SH3RF1: variants seen among roughly 807,000 people sequenced by gnomAD.
The protein encoded by SH3RF1 is SH3 domain containing ring finger 1.
SH3RF1 carries 32 observed loss-of-function variants against 74.0 expected under a neutral mutation model. That is an observed-to-expected ratio of 0.43 (90% CI 0.33 to 0.58). The LOEUF is 0.58. SH3RF1 is among the 20% of genes least tolerant of loss of function. The probability of loss-of-function intolerance (pLI) is 0.05; values close to 1 mark genes in which losing one functional copy is unlikely to be tolerated. For synonymous variants in SH3RF1, 396 were observed against 439.6 expected (o/e 0.90, Z 1.24); for missense variants, 954 against 1,130.9 (o/e 0.84, Z 2.24).
intron 2 of SH3RF1, among the ~76,000 whole-genome samples, chr4:169,248,914 A>C (rs1488252126): frequency 6.6e-6 from 1 of 152,222 alleles, no homozygotes; most frequent in Admixed American, 6.5e-5. Context: ...ATGTGATGGT[A>C]TTAAGAAGTA....
intron 2 of SH3RF1, among the ~76,000 whole-genome samples, chr4:169,263,807 C>T (rs923768844): frequency 6.6e-6 from 1 of 152,178 alleles, no homozygotes; most frequent in Admixed American, 6.5e-5. Flanking sequence ...GTAGTTTTCC[C>T]CTCTCAATAT....
intron 6 of SH3RF1, among the ~76,000 whole-genome samples, chr4:169,126,998 G>T (rs1298898251): frequency 2.0e-5 from 3 of 152,192 alleles, no homozygotes; most frequent in Admixed American, 2.0e-4. Context: ...CCACCTCTTG[G>T]CTGGTCCAGA....
rs973473417 is a variant in SH3RF1, at chr4:169,095,658, G to A, written c.*861C>T. 2 of 152,656 alleles carry A rather than the reference G, an allele frequency of 1.3e-5. No individual in the cohort carries two copies. The highest frequency in any genetic ancestry group is 4.8e-5 in the African/African-American group (2 of 41,456). The allele number at this position is 152,656 out of a possible 1,614,324, so 9.5% of individuals were successfully genotyped here. On this transcript the variant is annotated 3_prime_UTR_variant, in exon 12 of 12. Coordinates refer to ENST00000284637, the MANE Select transcript of SH3RF1 (RefSeq NM_020870.4). ...CGCTTCATAGCCATTCTCAGACAGTGACTACAACTTCAATTTCCCCTACTT... is the reference window on the plus strand; with the variant it reads ...CGCTTCATAGCCATTCTCAGACAGTAACTACAACTTCAATTTCCCCTACTT...
chr4:169,189,058 A>G (rs1734656548), intron 2 of SH3RF1, among the ~76,000 whole-genome samples: 1 of 152,248 alleles, frequency 6.6e-6, no homozygotes, highest in Non-Finnish European at 1.5e-5. Flanking sequence ...TTCTTGTAGA[A>G]AAAAGATAGT....
chr4:169,263,382 T>G (rs1051214655), intron 2 of SH3RF1, among the ~76,000 whole-genome samples: 2 of 152,204 alleles, frequency 1.3e-5, no homozygotes, highest in Non-Finnish European at 2.9e-5. Flanking sequence ...AATGTAAACT[T>G]TTTCAACAGA....
intron 2 of SH3RF1, among the ~76,000 whole-genome samples, chr4:169,157,764 C>T (rs1015172643): frequency 3.4e-5 from 5 of 148,308 alleles, no homozygotes; most frequent in African/African-American, 7.5e-5. Context: ...TTTTTTAAGA[C>T]GGAGTCTTGC....
At chr4:169,213,714 GATTC>G (rs1320223847) in intron 2 of SH3RF1, among the ~76,000 whole-genome samples, 1 of 152,172 alleles carries the variant, frequency 6.6e-6, no homozygotes, top group Admixed American at 6.5e-5. Context: ...TCTGTTTCTA[GATTC>G]ATTGTTTGCA....
intron 10 of SH3RF1, among the ~76,000 whole-genome samples, chr4:169,111,746 T>G (rs1479866844): frequency 6.6e-6 from 1 of 152,186 alleles, no homozygotes; most frequent in Non-Finnish European, 1.5e-5. Flanking sequence ...TGGAAAACAT[T>G]AGGGATCTCA....
chr4:169,236,039 C>T (rs1730818383), intron 2 of SH3RF1, among the ~76,000 whole-genome samples: 1 of 152,184 alleles, frequency 6.6e-6, no homozygotes, highest in Admixed American at 6.5e-5. Context: ...CTGTTCTGGA[C>T]AACATTTGCC....
intron 2 of SH3RF1, among the ~76,000 whole-genome samples, chr4:169,232,645 A>G (rs943492231): frequency 1.3e-5 from 2 of 152,216 alleles, no homozygotes; most frequent in Non-Finnish European, 2.9e-5. Context: ...AGTTTACTTG[A>G]GTTAATAATC....
chr4:169,220,760 A>C (rs151021324), intron 2 of SH3RF1, among the ~76,000 whole-genome samples: 110 of 152,294 alleles, frequency 7.2e-4, no homozygotes, highest in African/African-American at 2.5e-3. Context: ...GTTACTATTC[A>C]CTGGTGTGTA....
intron 2 of SH3RF1, among the ~76,000 whole-genome samples, chr4:169,163,252 GAAC>G (rs200350968): frequency 0.049 from 7,246 of 149,016 alleles, 250 homozygotes; most frequent in Non-Finnish European, 0.079. Flanking sequence ...AAAAAAAAAT[GAAC>G]AACAGTTTTC....
At chr4:169,135,374 T>G (rs1022141084) in intron 5 of SH3RF1, among the ~76,000 whole-genome samples, 1 of 152,098 alleles carries the variant, frequency 6.6e-6, no homozygotes, top group Non-Finnish European at 1.5e-5. Context: ...AAAACCACCA[T>G]AGCTATATGG....
At chr4:169,262,841 G>A (rs1029368353) in intron 2 of SH3RF1, among the ~76,000 whole-genome samples, 8 of 151,968 alleles carry the variant, frequency 5.3e-5, no homozygotes, top group South Asian at 4.2e-4. Flanking sequence ...CTTCTACCCT[G>A]TTCAAGATCT....
intron 2 of SH3RF1, among the ~76,000 whole-genome samples, chr4:169,262,046 G>A (rs1163893564): frequency 1.3e-5 from 2 of 151,912 alleles, no homozygotes; most frequent in Non-Finnish European, 2.9e-5. Flanking sequence ...TAAATGAATG[G>A]TACACATAAT....
rs536752641 is a variant in SH3RF1, at chr4:169,175,687, C to G, written c.394-19008G>C. Among the ~76,000 whole-genome samples the G allele has an allele frequency of 3.3e-5, 5 of 152,272 alleles. No individual in the cohort carries two copies. In the South Asian group the frequency reaches 1.0e-3, roughly 32 times the overall value. ...CTTCATGACATTTATCATGACTAGG[C>G]ACCGACCCACCCAAAACCACTAGAC... On this transcript the variant is annotated intron_variant, in intron 2 of 11. Transcript: ENST00000284637.
At chr4:169,171,185 C>T (rs905128435) in intron 2 of SH3RF1, among the ~76,000 whole-genome samples, 8 of 152,318 alleles carry the variant, frequency 5.3e-5, no homozygotes, top group East Asian at 1.9e-4. Context: ...GCAAACACCA[C>T]GGTGTAACCA....
chr4:169,175,851 A>T (rs1734411744), intron 2 of SH3RF1, among the ~76,000 whole-genome samples: 2 of 152,214 alleles, frequency 1.3e-5, no homozygotes, highest in African/African-American at 2.4e-5. Context: ...CATAAATTGA[A>T]ACCCTAACCA....
intron 2 of SH3RF1, among the ~76,000 whole-genome samples, chr4:169,192,799 T>TATATATATGATATATATGTG: frequency 7.6e-6 from 1 of 130,996 alleles, no homozygotes; most frequent in Non-Finnish European, 1.5e-5. Context: ...GTTTCTTTTA[T>TATATATATGATATATATGTG]ATATATATGA....
Sources: allele counts gnomAD v4.1 joint callset (sites outside exome capture counted in the v4.1 genomes callset), GRCh38; gene constraint gnomAD v4.1.1; transcripts MANE v1.5; gene names NCBI Gene and HGNC (gene_info 2026-07-23, HGNC 2026-07-21).